The following ERMP1 variants were observed in gnomAD, a reference collection of about 807,000 sequenced individuals.
ERMP1 encodes Felix-ina.
ERMP1 carries 86 observed loss-of-function variants against 92.0 expected under a neutral mutation model. The ratio of observed to expected loss-of-function variants is 0.93; its 90% CI spans 0.79 to 1.12. ERMP1 has a LOEUF of 1.12. ERMP1 is among the 50% of genes most tolerant of loss of function. The probability of loss-of-function intolerance (pLI) is 0.00; values close to 1 mark genes in which losing one functional copy is unlikely to be tolerated. For missense variants in ERMP1, 1,342 were observed against 1,116.3 expected (o/e 1.20, Z -2.88); for synonymous variants, 530 against 412.8 (o/e 1.28, Z -3.44).
chr9:5,788,994 G>A (rs575245874), intron 13 of ERMP1, among the ~76,000 whole-genome samples: 2 of 152,200 alleles, frequency 1.3e-5, no homozygotes, highest in East Asian at 3.9e-4. Flanking sequence ...ATGGGAAAAA[G>A]CAAAGTAAAA....
intron 6 of ERMP1, 26 bp from the exon 7 acceptor site, chr9:5,811,349 GAAAGA>G: frequency 1.4e-6 from 2 of 1,454,282 alleles, no homozygotes; most frequent in Non-Finnish European, 9.4e-7. Flanking sequence ...AAAAAAAAAA[GAAAGA>G]AAAGGAAAAA....
intron 2 of ERMP1, 63 bp from the exon 3 acceptor site, chr9:5,825,282 G>C (rs1829690767): frequency 6.6e-7 from 1 of 1,507,020 alleles, no homozygotes; most frequent in Admixed American, 2.0e-5. Flanking sequence ...TGACCCATTA[G>C]GACTAGGAAT....
In ERMP1 at chr9:5,786,848, G is replaced by A. The variant is rs569748870; in HGVS notation, c.*296C>T. 9.3e-6 allele frequency: 2 copies of A among 214,412 alleles called. No homozygotes were observed. Among genetic ancestry groups the A allele is most frequent in the African/African-American group, 2.3e-5 (1 of 43,628 alleles). The allele number at this position is 214,412 out of a possible 1,614,324, so 13.3% of individuals were successfully genotyped here. A position where few individuals can be genotyped will look rare whatever the true frequency, so the allele number is the denominator to read the frequency against. ...TGATCCTAAAGGGGCAGCTATTGAAGTGGATTGTTGGCTTTGTCCTTAAGG... is the reference window on the plus strand; with the variant it reads ...TGATCCTAAAGGGGCAGCTATTGAAATGGATTGTTGGCTTTGTCCTTAAGG... On this transcript the variant is annotated 3_prime_UTR_variant, in exon 15 of 15. Coordinates refer to ENST00000339450, the MANE Select transcript of ERMP1 (RefSeq NM_024896.3).
intron 4 of ERMP1, among the ~76,000 whole-genome samples, chr9:5,821,494 G>C (rs1829534420): frequency 6.6e-6 from 1 of 152,176 alleles, no homozygotes; most frequent in Non-Finnish European, 1.5e-5. Context: ...ACTCTGGGCT[G>C]CCCAGGCCTA....
chr9:5,805,701 G>A lies in ERMP1; in HGVS notation c.1633C>T (p.Gln545Ter). The A allele has an allele frequency of 6.2e-7, 1 of 1,613,430 alleles. No homozygotes were observed. Among genetic ancestry groups the A allele is most frequent in the Non-Finnish European group, 8.5e-7 (1 of 1,179,776 alleles). The change falls in exon 9 of 15, where the codon CAA becomes TAA. Residue 545 changes from glutamine to a stop codon, truncating the protein, a stop_gained. Transcript: ENST00000339450. LOFTEE classifies it high-confidence loss of function. ...CTAATAAACGCCGAGCAAAGTCCTT[G>A]GTAAGTGAGGGTAACAAGAAAACAG... Reference protein sequence around the residue: ...HCCFLVTLTYQGLCSAFISAV... With the variant: ...HCCFLVTLTY
At chr9:5,804,271 T>A (rs1439500726) in intron 10 of ERMP1, among the ~76,000 whole-genome samples, 2 of 152,168 alleles carry the variant, frequency 1.3e-5, no homozygotes, top group African/African-American at 2.4e-5. Context: ...GAGGGGCCCA[T>A]CTTGGATCGT....
intron 10 of ERMP1, among the ~76,000 whole-genome samples, chr9:5,804,509 C>T (rs113483757): frequency 1.7e-4 from 26 of 152,174 alleles, no homozygotes; most frequent in Admixed American, 3.3e-4. Flanking sequence ...AATGAAGGCA[C>T]GTTTGGGTGT....
chr9:5,866,928 A>G (rs1027639674), intron 5 of ERMP1, among the ~76,000 whole-genome samples: 6 of 152,198 alleles, frequency 3.9e-5, no homozygotes, highest in Non-Finnish European at 8.8e-5. Context: ...GTTTGAGGCC[A>G]GGCACAGTGG....
In ERMP1 at chr9:5,830,708, C is replaced by T; in HGVS notation, c.640+19G>A. On this transcript the variant is annotated intron_variant, in intron 2 of 14. Coordinates refer to ENST00000339450, the MANE Select transcript of ERMP1 (RefSeq NM_024896.3). ...CTGGGCTGTGACAAGTTCCAAATGA[C>T]TAAAAAACAGGTACATACCTGGTGA... The T allele has an allele frequency of 6.3e-7, 1 of 1,580,312 alleles. No homozygotes were observed. Among genetic ancestry groups the T allele is most frequent in the South Asian group, 1.2e-5 (1 of 86,386 alleles).
intron 6 of ERMP1, among the ~76,000 whole-genome samples, chr9:5,856,812 A>G (rs921656954): frequency 1.9e-4 from 29 of 152,128 alleles, no homozygotes; most frequent in East Asian, 9.6e-4. Context: ...TTGTTGATTC[A>G]CTAATTTTGA....
rs768130033 is a variant in ERMP1, at chr9:5,805,788, G to A, written c.1549-3C>T. 2.5e-6 allele frequency: 4 copies of A among 1,586,874 alleles called. No individual in the cohort carries two copies. Among genetic ancestry groups the A allele is most frequent in the Non-Finnish European group, 3.4e-6 (4 of 1,170,714 alleles). On this transcript the variant is annotated splice_region_variant and splice_polypyrimidine_tract_variant and intron_variant, in intron 8 of 14. Transcript: ENST00000339450. ...CCCAGATACTGGGCACTGGCATTCT[G>A]AAAGAAAGAAAAATATACAAGTAGT...
At chr9:5,837,933 T>C (rs1830113129), upstream of ERMP1, among the ~76,000 whole-genome samples, 1 of 152,052 alleles carries the variant, frequency 6.6e-6, no homozygotes, top group Non-Finnish European at 1.5e-5. Context: ...TAAAACCCCA[T>C]CTCTACTAAA....
In ERMP1 at chr9:5,787,532, A is replaced by C; in HGVS notation, c.2448T>G (p.Ser816=). 1 of 1,614,190 alleles carries C rather than the reference A, an allele frequency of 6.2e-7. No individual in the cohort carries two copies. Among genetic ancestry groups the C allele is most frequent in the African/African-American group, 1.3e-5 (1 of 75,064 alleles). Residue 816 remains serine (S), a synonymous_variant, in exon 14 of 15, where the codon TCT becomes TCG. Transcript: ENST00000339450. ...TTGTGACTGGGGTGCCATTGCCAAGAGACCACTGAGAAAGTGTTGACCCTT... is the reference window on the plus strand; with the variant it reads ...TTGTGACTGGGGTGCCATTGCCAAGCGACCACTGAGAAAGTGTTGACCCTT... The part of the protein sequence containing the change: ...AHKGSTLSQW[S]LGNGTPVTSK...
rs1830138885 is a variant in ERMP1 at position 5,839,842 on chromosome 9, A to C, written n.3200-6530T>G. Among the ~76,000 whole-genome samples the C allele has an allele frequency of 3.3e-5, 5 of 152,336 alleles. No individual in the cohort carries two copies. The South Asian group carries it at 1.0e-3, about 32-fold the overall frequency. On this transcript the variant is annotated intron_variant and non_coding_transcript_variant, in intron 6 of 6. Coordinates refer to the ERMP1 transcript ENST00000690753. The stretch of plus-strand genomic sequence containing the variant: ...TGTAGGAAAATGGCAAATATCTCTC[A>C]AAGTGTGGTCTGAGGACCATGTAAT...
intron 6 of ERMP1, chr9:5,856,311 G>A: frequency 4.2e-6 from 1 of 239,678 alleles, no homozygotes; most frequent in South Asian, 5.5e-5. Flanking sequence ...AGTAACTTCG[G>A]TGTTGGCCTT....
At chr9:5,838,440 G>A (rs1188743459) in intron 6 of ERMP1, among the ~76,000 whole-genome samples, 1 of 151,958 alleles carries the variant, frequency 6.6e-6, no homozygotes, top group Non-Finnish European at 1.5e-5. Flanking sequence ...GTCTACTAGG[G>A]AGACTGAGGT....
At position 5,810,096 on chromosome 9, in the gene ERMP1, A is replaced by C; in HGVS notation, c.1463T>G (p.Phe488Cys). The C allele has an allele frequency of 6.2e-7, 1 of 1,613,962 alleles. No individual in the cohort carries two copies. The highest frequency in any genetic ancestry group is 8.5e-7 in the Non-Finnish European group (1 of 1,179,820). Residue 488 changes from phenylalanine (F) to cysteine (C), a missense_variant, in exon 8 of 15, where the codon TTC becomes TGC. Transcript: ENST00000339450. ...IGQSLSWYNH[F>C]YVSVCLYGTA... ...TCCATACAGACAAACGGAGACATAG[A>C]AGTGGTTATACCATGAGAGAGACTG...
intron 4 of ERMP1, among the ~76,000 whole-genome samples, chr9:5,814,561 G>A (rs1829230137): frequency 6.6e-6 from 1 of 152,054 alleles, no homozygotes; most frequent in African/African-American, 2.4e-5. Context: ...TGGCCAACAT[G>A]GCAAAACCCC....
At chr9:5,865,878 T>C (rs1470488794) in intron 5 of ERMP1, among the ~76,000 whole-genome samples, 7 of 148,378 alleles carry the variant, frequency 4.7e-5, no homozygotes, top group Non-Finnish European at 1.0e-4. Context: ...AGTAAATAAA[T>C]AAATAAAAAA....
Sources: gnomAD v4.1 joint callset for allele counts (sites outside exome capture counted in the v4.1 genomes callset) on GRCh38, gnomAD v4.1.1 for gene constraint, MANE v1.5 for transcripts, NCBI Gene and HGNC (gene_info 2026-07-23, HGNC 2026-07-21) for gene names.